MAP3K5: variants seen among roughly 807,000 people sequenced by gnomAD.
MAP3K5 encodes the protein ASK-1.
MAP3K5 carries 56 observed loss-of-function variants against 158.7 expected under a neutral mutation model. The observed-to-expected ratio is 0.35, with a 90% CI of 0.28 to 0.44. The LOEUF (loss-of-function observed/expected upper bound fraction) is 0.44. Ranked by LOEUF, MAP3K5 falls within the 20% of genes least tolerant of loss-of-function variation. The probability of loss-of-function intolerance (pLI) is 1.00; values close to 1 mark genes in which losing one functional copy is unlikely to be tolerated. For missense variants in MAP3K5, 1,294 were observed against 1,674.8 expected (o/e 0.77, Z 3.97); for synonymous variants, 579 against 601.7 (o/e 0.96, Z 0.55).
chr6:136,748,572 G>A (rs1467909105), intron 1 of MAP3K5, among the ~76,000 whole-genome samples: 1 of 152,122 alleles, frequency 6.6e-6, no homozygotes, highest in Non-Finnish European at 1.5e-5. Flanking sequence ...ACAAGACACA[G>A]GGCAAATAAA....
At chr6:136,678,716 G>A (rs1779808423) in intron 7 of MAP3K5, among the ~76,000 whole-genome samples, 1 of 151,882 alleles carries the variant, frequency 6.6e-6, no homozygotes, top group Non-Finnish European at 1.5e-5. Context: ...TTTGTTGAAA[G>A]GGGGCAAATA....
chr6:136,647,453 A>G (rs1301598170), intron 11 of MAP3K5, among the ~76,000 whole-genome samples: 1 of 152,182 alleles, frequency 6.6e-6, no homozygotes, highest in Non-Finnish European at 1.5e-5. Flanking sequence ...TTTGATGCTG[A>G]CCCTGGGTTC....
At position 136,583,727 on chromosome 6, in the gene MAP3K5, G is replaced by C; in HGVS notation, c.3239C>G (p.Pro1080Arg). 6.2e-7 allele frequency: 1 copy of C among 1,613,730 alleles called. No homozygotes were observed. Among genetic ancestry groups the C allele is most frequent in the Non-Finnish European group, 8.5e-7 (1 of 1,179,848 alleles). The change falls in exon 24 of 30, where the codon CCG becomes CGG. Residue 1080 changes from proline to arginine, a missense_variant. Pro to Arg is a moderately radical substitution (Grantham distance 103). This residue lies in a region of MAP3K5 where 362 missense variants were observed against 463.2 expected (regional missense o/e 0.78). Coordinates refer to ENST00000359015, the MANE Select transcript of MAP3K5 (RefSeq NM_005923.4). ...TGTGATGTGTTCCCATTTTAGTTTC[G>C]GTTCTTCAGCCCCCTGTGAATAAAA... is the stretch of plus-strand genomic sequence containing the variant. ...MESLAQGAEE[P>R]KLKWEHITTL...
In MAP3K5 at chr6:136,583,544, A is replaced by G. The variant is rs1384565626; in HGVS notation, c.3411+11T>C. On this transcript the variant is annotated intron_variant, in intron 24 of 29. Coordinates refer to ENST00000359015, the MANE Select transcript of MAP3K5 (RefSeq NM_005923.4). Reference sequence around the variant, plus strand: ...GTGTGTGGGAAAACACTGGCAAAATATCATACTTACAGCATCTTGAAAACC... The same window carrying G: ...GTGTGTGGGAAAACACTGGCAAAATGTCATACTTACAGCATCTTGAAAACC... The G allele has an allele frequency of 1.2e-6, 2 of 1,605,670 alleles. No individual in the cohort carries two copies. The highest frequency in any genetic ancestry group is 1.3e-5 in the African/African-American group (1 of 74,560).
intron 1 of MAP3K5, among the ~76,000 whole-genome samples, chr6:136,755,014 A>T (rs1783410712): frequency 6.6e-6 from 1 of 151,758 alleles, no homozygotes; most frequent in African/African-American, 2.4e-5. Context: ...TGCTGAGTCC[A>T]TTTACTCCTC....
chr6:136,669,529 G>A (rs1270632381), intron 7 of MAP3K5, 134 bp from the exon 8 acceptor site: 1 of 613,758 alleles, frequency 1.6e-6, no homozygotes, highest in Admixed American at 3.0e-5. Flanking sequence ...AGAATCTGGT[G>A]TGCTATTAGG....
At chr6:136,687,836 T>C (rs551807382) in intron 7 of MAP3K5, among the ~76,000 whole-genome samples, 1 of 152,268 alleles carries the variant, frequency 6.6e-6, no homozygotes, top group East Asian at 1.9e-4. Flanking sequence ...TGTAAATTAG[T>C]TCAACCATTG....
rs116462850 is a variant in MAP3K5, at chr6:136,613,682, C to T, written c.2279-426G>A. Among the ~76,000 whole-genome samples, 1,756 of 152,158 alleles carry T rather than the reference C, an allele frequency of 0.012. 34 individuals carry two copies. The highest frequency in any genetic ancestry group is 0.041 in the African/African-American group (1,693 of 41,504). On this transcript the variant is annotated intron_variant, in intron 16 of 29. Transcript: ENST00000359015. The surrounding 1 kb of genome is among the most constrained non-coding windows in gnomAD (Gnocchi z 4.0). Reference sequence around the variant, plus strand: ...GCGATTATAGGCTAAATCTCTTCCGCATTTTTGTCCTGTAAATGATTGGAG... The same window carrying T: ...GCGATTATAGGCTAAATCTCTTCCGTATTTTTGTCCTGTAAATGATTGGAG...
intron 23 of MAP3K5, among the ~76,000 whole-genome samples, chr6:136,587,825 T>C (rs1775205848): frequency 6.6e-6 from 1 of 152,210 alleles, no homozygotes; most frequent in African/African-American, 2.4e-5. Flanking sequence ...TTTTCTTTCA[T>C]TTCTCCTTTT....
chr6:136,567,173 A>T (rs1774148240), intron 26 of MAP3K5, among the ~76,000 whole-genome samples: 1 of 152,236 alleles, frequency 6.6e-6, no homozygotes, highest in Non-Finnish European at 1.5e-5. Flanking sequence ...AAATGTGGTC[A>T]ATTATCTTCC....
intron 8 of MAP3K5, among the ~76,000 whole-genome samples, chr6:136,660,341 C>T (rs1262424043): frequency 6.6e-6 from 1 of 151,784 alleles, no homozygotes; most frequent in Non-Finnish European, 1.5e-5. Context: ...TGCTTGAACT[C>T]AGAAGTACTA....
rs1190159789 is a variant in MAP3K5 at position 136,580,280 on chromosome 6, GA to G, written c.3517+20del. On this transcript the variant is annotated intron_variant, in intron 25 of 29. Coordinates refer to ENST00000359015, the MANE Select transcript of MAP3K5 (RefSeq NM_005923.4). The stretch of plus-strand genomic sequence containing the variant: ...AATATCCAAGCACTAAATATGTGCA[GA>G]GTAATTAAATATCTCTGACCTGGAA... 1 of 1,461,806 alleles carries G rather than the reference GA, an allele frequency of 6.8e-7. No homozygotes were observed. Among genetic ancestry groups the G allele is most frequent in the Non-Finnish European group, 9.6e-7 (1 of 1,041,320 alleles). 90.6% of individuals were successfully genotyped at this position (1,461,806 alleles called of 1,614,324 possible). A position where few individuals can be genotyped will look rare whatever the true frequency, so the allele number is the denominator to read the frequency against.
intron 14 of MAP3K5, among the ~76,000 whole-genome samples, chr6:136,626,034 A>C (rs1777019978): frequency 6.6e-6 from 1 of 152,230 alleles, no homozygotes; most frequent in Admixed American, 6.5e-5. Context: ...AAACTACAAA[A>C]TACGAAAGAC....
chr6:136,559,960 G>A (rs1353938483), intron 28 of MAP3K5, among the ~76,000 whole-genome samples: 1 of 152,110 alleles, frequency 6.6e-6, no homozygotes, highest in Non-Finnish European at 1.5e-5. Flanking sequence ...TTATTCAGCT[G>A]TAACTTGTTA....
intron 1 of MAP3K5, among the ~76,000 whole-genome samples, chr6:136,778,470 A>T (rs903997742): frequency 6.6e-6 from 1 of 152,192 alleles, no homozygotes; most frequent in Non-Finnish European, 1.5e-5. Flanking sequence ...GTAGGCTCCC[A>T]ACAATTATTT....
intron 15 of MAP3K5, among the ~76,000 whole-genome samples, chr6:136,615,214 A>G (rs1023588786): frequency 6.6e-6 from 1 of 152,224 alleles, no homozygotes; most frequent in Non-Finnish European, 1.5e-5. Flanking sequence ...ATGATTCATG[A>G]GCCAGGCAGT....
chr6:136,707,003 C>T (rs1463926229), intron 2 of MAP3K5, among the ~76,000 whole-genome samples: 4 of 152,054 alleles, frequency 2.6e-5, no homozygotes, highest in African/African-American at 9.7e-5. Context: ...TAAAAATTAG[C>T]TGGGTGTCGT....
chr6:136,671,709 G>A (rs886195747), intron 7 of MAP3K5, among the ~76,000 whole-genome samples: 2 of 152,156 alleles, frequency 1.3e-5, no homozygotes, highest in Non-Finnish European at 2.9e-5. Context: ...TGCCTCCAGG[G>A]GTCAAGCGAT....
chr6:136,592,126 T>A, intron 23 of MAP3K5, 47 bp downstream of exon 23: 1 of 1,505,910 alleles, frequency 6.6e-7, no homozygotes, highest in Non-Finnish European at 8.9e-7. Context: ...AGGACACAGA[T>A]AAAATATGTA....
Sources: allele counts gnomAD v4.1 joint callset (sites outside exome capture counted in the v4.1 genomes callset), GRCh38; gene constraint gnomAD v4.1.1; regional missense constraint gnomAD v4.1.1; non-coding constraint Gnocchi (gnomAD v3.1); transcripts MANE v1.5; gene names NCBI Gene and HGNC (gene_info 2026-07-23, HGNC 2026-07-21).